Variants in ZNF43 observed in about 807,000 individuals in gnomAD.
ZNF43 encodes the protein zinc finger protein 39-like 1 (KOX 27).
Under a neutral mutation model 68.4 loss-of-function variants are expected in ZNF43, and 44 were observed. The observed-to-expected ratio is 0.64, with a 90% confidence interval of 0.51 to 0.83. The LOEUF (loss-of-function observed/expected upper bound fraction) is 0.83, where lower values mean the gene tolerates loss of function less well. Ranked by LOEUF, ZNF43 falls within the 40% of genes least tolerant of loss-of-function variation. The pLI is 0.00. For synonymous variants in ZNF43, 308 were observed against 307.8 expected, an observed-to-expected ratio of 1.00 and a Z score of -0.01; for missense variants, 896 against 933.2, an observed-to-expected ratio of 0.96 and a Z score of 0.52.
intron 1 of ZNF43, among the ~76,000 whole-genome samples, chr19:21,820,813 G>T (rs1402855777): frequency 6.9e-6 from 1 of 145,518 alleles, no homozygotes; most frequent in East Asian, 2.0e-4. Context: ...AGATACAGAT[G>T]TCTCCCATGT....
At chr19:21,843,408 G>C (rs1967672282) in intron 1 of ZNF43, 1 of 984,484 alleles carries the variant, frequency 1.0e-6, no homozygotes, top group African/African-American at 1.7e-5. Flanking sequence ...TTTGGATATT[G>C]GGTCTAAGTA....
At chr19:21,812,812 A>T (rs2037342312) in intron 3 of ZNF43, among the ~76,000 whole-genome samples, 1 of 152,014 alleles carries the variant, frequency 6.6e-6, no homozygotes. Flanking sequence ...TTAGCCGGGC[A>T]TAGTGGTGGG....
At chr19:21,850,446 G>C (rs1968269228) in intron 1 of ZNF43, among the ~76,000 whole-genome samples, 1 of 152,176 alleles carries the variant, frequency 6.6e-6, no homozygotes, top group African/African-American at 2.4e-5. Context: ...TGTAATCCCA[G>C]CACTTCAGGA....
chr19:21,845,131 A>G (rs1313520720), intron 1 of ZNF43, among the ~76,000 whole-genome samples: 1 of 151,490 alleles, frequency 6.6e-6, no homozygotes. Context: ...CACGGGCAGC[A>G]AGTTACACCA....
intron 1 of ZNF43, among the ~76,000 whole-genome samples, chr19:21,851,560 A>G (rs905550352): frequency 1.3e-5 from 2 of 151,188 alleles, no homozygotes; most frequent in African/African-American, 4.9e-5. Context: ...AAAAAAAAAA[A>G]AAATTAACAA....
At chr19:21,810,216 A>C (rs929572055) in intron 3 of ZNF43, among the ~76,000 whole-genome samples, 1 of 152,246 alleles carries the variant, frequency 6.6e-6, no homozygotes, top group Non-Finnish European at 1.5e-5. Flanking sequence ...AATTTGGCAG[A>C]CTGTACAAGA....
At chr19:21,828,376 G>A (rs1161662691) in intron 1 of ZNF43, among the ~76,000 whole-genome samples, 1 of 151,922 alleles carries the variant, frequency 6.6e-6, no homozygotes, top group Non-Finnish European at 1.5e-5. Context: ...TCAGGAGATT[G>A]AGACCATCCT....
exon 1 of ZNF43, chr19:21,851,929 G>A (rs975372689): frequency 1.9e-6 from 3 of 1,575,844 alleles, no homozygotes; most frequent in African/African-American, 1.4e-5. Context: ...CAGGATGTCC[G>A]GGCATCTTAG....
upstream of ZNF43, chr19:21,840,897 G>A (rs910315140): frequency 1.3e-5 from 2 of 152,180 alleles, no homozygotes; most frequent in Non-Finnish European, 2.9e-5. Context: ...AGAGAAAAGA[G>A]TTCTCACCTG....
At chr19:21,824,220 A>C (rs1599490295) in intron 1 of ZNF43, among the ~76,000 whole-genome samples, 1 of 152,260 alleles carries the variant, frequency 6.6e-6, no homozygotes, top group African/African-American at 2.4e-5. Flanking sequence ...GTAGAGCTCC[A>C]GAACCTGCAT....
At position 21,821,924 on chromosome 19, in the gene ZNF43, A is replaced by AT. The variant is rs1039878740; in HGVS notation, c.4-2704dup. The stretch of plus-strand genomic sequence containing the variant: ...AGACATGTTTAGCTGAAAAAAAGCC[A>AT]TTTTTTTCTCTGTCTCTGGGAATCC... On this transcript the variant is annotated intron_variant, in intron 1 of 3. Coordinates refer to ENST00000354959, the MANE Select transcript of ZNF43 (RefSeq NM_003423.4). 2.0e-4 allele frequency among the ~76,000 whole-genome samples: 30 copies of AT among 147,386 alleles called. No homozygotes were observed. The East Asian group carries it at 3.2e-3, about 16-fold the overall frequency.
chr19:21,820,105 A>G (rs1477150566), intron 1 of ZNF43, among the ~76,000 whole-genome samples: 1 of 146,004 alleles, frequency 6.8e-6, no homozygotes, highest in East Asian at 2.0e-4. Context: ...GGGCTGAGGC[A>G]AGAGAATCGC....
chr19:21,823,571 C>CTTTTT (rs10605024), intron 1 of ZNF43, among the ~76,000 whole-genome samples: 4 of 83,494 alleles, frequency 4.8e-5, no homozygotes, highest in Non-Finnish European at 8.5e-5. Flanking sequence ...AGAATCAGGC[C>CTTTTT]TTTTTTTTTT....
At position 21,809,659 on chromosome 19, in the gene ZNF43, C is replaced by T. The variant is rs147543020; in HGVS notation, c.378G>A (p.Val126=). 1.5e-3 allele frequency: 2,453 copies of T among 1,613,452 alleles called. 27 individuals carry two copies. Among genetic ancestry groups the T allele is most frequent in the South Asian group, 0.014 (1,249 of 90,996 alleles). The change falls in exon 4 of 4, where the codon GTG becomes GTA. Residue 126 remains valine (V), a synonymous_variant. Coordinates refer to ENST00000354959, the MANE Select transcript of ZNF43 (RefSeq NM_003423.4). ...KDHKSVDECK[V]HRGGYNGFNQ... is the part of the protein sequence containing the mutation. ...TAAATCCATTATAACCTCCTCTGTG[C>T]ACCTTACACTCATCCACACTTTTAT...
At chr19:21,815,493 A>ATATATATATATATATATATATG (rs2037482043) in intron 3 of ZNF43, among the ~76,000 whole-genome samples, 1 of 149,306 alleles carries the variant, frequency 6.7e-6, no homozygotes, top group African/African-American at 2.5e-5. Context: ...TTACATATAT[A>ATATATATATATATATATATATG]TATATATATA....
intron 1 of ZNF43, among the ~76,000 whole-genome samples, chr19:21,821,253 C>T (rs1372594104): frequency 2.0e-5 from 3 of 150,948 alleles, no homozygotes; most frequent in African/African-American, 7.3e-5. Context: ...TCATGTCATT[C>T]TCCCGCCTCA....
intron 1 of ZNF43, among the ~76,000 whole-genome samples, chr19:21,821,404 G>C (rs949831221): frequency 6.6e-6 from 1 of 151,970 alleles, no homozygotes; most frequent in African/African-American, 2.4e-5. Context: ...ATTTTTAGTA[G>C]TCTATCTTTA....
chr19:21,808,154 C>T lies in ZNF43; in HGVS notation c.1883G>A (p.Gly628Asp). The T allele has an allele frequency of 6.2e-7, 1 of 1,613,058 alleles. No individual in the cohort carries two copies. The highest frequency in any genetic ancestry group is 1.1e-5 in the South Asian group (1 of 90,982). The change falls in exon 4 of 4, where the codon GGC becomes GAC. Residue 628 changes from glycine to aspartate, a missense_variant. By Grantham distance (94) the Gly-to-Asp change is moderately conservative. Coordinates refer to ENST00000354959, the MANE Select transcript of ZNF43 (RefSeq NM_003423.4). Reference sequence around the variant, plus strand: ...AGTTGAGAACTGGTTAAAAGCTTTGCCACATTCTTCACATTTGTAGGGTTT... The same window carrying T: ...AGTTGAGAACTGGTTAAAAGCTTTGTCACATTCTTCACATTTGTAGGGTTT... ...GGKPYKCEEC[G>D]KAFNQFSTLT...
intron 3 of ZNF43, among the ~76,000 whole-genome samples, chr19:21,813,968 T>A (rs1428778653): frequency 6.6e-6 from 1 of 152,084 alleles, no homozygotes; most frequent in Non-Finnish European, 1.5e-5. Flanking sequence ...CTCCATATAT[T>A]GCCCAGACTA....
Sources: allele counts gnomAD v4.1 joint callset (sites outside exome capture counted in the v4.1 genomes callset), GRCh38; gene constraint gnomAD v4.1.1; transcripts MANE v1.5; gene names NCBI Gene and HGNC (gene_info 2026-07-23, HGNC 2026-07-21).